Variants in TNR observed in about 807,000 individuals in gnomAD.
TNR encodes tenascin-R.
A neutral mutation model predicts 150.4 loss-of-function variants in TNR; 45 were observed. That is an observed-to-expected ratio of 0.30 (90% CI 0.24 to 0.38). The LOEUF (loss-of-function observed/expected upper bound fraction) is 0.38. Ranked by LOEUF, TNR falls within the 10% of genes least tolerant of loss-of-function variation. The probability of loss-of-function intolerance (pLI) is 1.00; values close to 1 mark genes in which losing one functional copy is unlikely to be tolerated. For missense variants in TNR, 1,544 were observed against 1,759.1 expected, an observed-to-expected ratio of 0.88 and a Z score of 2.19; for synonymous variants, 687 against 678.4, an observed-to-expected ratio of 1.01 and a Z score of -0.20.
intron 9 of TNR, among the ~76,000 whole-genome samples, chr1:175,370,419 G>GGT (rs1207355833): frequency 7.6e-6 from 1 of 131,782 alleles, no homozygotes; most frequent in African/African-American, 2.9e-5. Flanking sequence ...AGTACAGGCC[G>GGT]GTCCTGGGTG....
intron 1 of TNR, among the ~76,000 whole-genome samples, chr1:175,618,675 C>G (rs959861741): frequency 6.6e-6 from 1 of 152,180 alleles, no homozygotes; most frequent in South Asian, 2.1e-4. Flanking sequence ...AGGGCCGTTG[C>G]TTACAGCAGG....
intron 1 of TNR, among the ~76,000 whole-genome samples, chr1:175,638,241 GC>G (rs1284979108): frequency 2.0e-5 from 3 of 152,178 alleles, no homozygotes; most frequent in Non-Finnish European, 4.4e-5. Context: ...TTACAACTCT[GC>G]TCTTGTTCAA....
chr1:175,408,883 A>G (rs1281180979), intron 2 of TNR, among the ~76,000 whole-genome samples: 1 of 152,252 alleles, frequency 6.6e-6, no homozygotes, highest in Non-Finnish European at 1.5e-5. Flanking sequence ...TGTGGACAGC[A>G]GAAAAGCCCA....
At chr1:175,649,071 T>C (rs1664881147) in intron 1 of TNR, among the ~76,000 whole-genome samples, 2 of 152,188 alleles carry the variant, frequency 1.3e-5, no homozygotes, top group African/African-American at 2.4e-5. Context: ...GGAGAGGCCA[T>C]GCCCCTCCCT....
intron 2 of TNR, among the ~76,000 whole-genome samples, chr1:175,503,953 T>C (rs1255145763): frequency 2.0e-5 from 3 of 152,160 alleles, no homozygotes; most frequent in African/African-American, 7.2e-5. Flanking sequence ...GGTTTACATA[T>C]TGACAAAGGG....
intron 1 of TNR, among the ~76,000 whole-genome samples, chr1:175,553,817 A>AACACACACACACAC (rs58714689): frequency 0.013 from 1,894 of 145,452 alleles, 34 homozygotes; most frequent in African/African-American, 0.035. Context: ...TACAAGAACA[A>AACACACACACACAC]ACACACACAC....
intron 1 of TNR, among the ~76,000 whole-genome samples, chr1:175,667,464 T>G (rs1665563298): frequency 2.0e-5 from 3 of 152,216 alleles, no homozygotes. Flanking sequence ...TTCTTAAACA[T>G]TTCTTAAGCA....
intron 7 of TNR, among the ~76,000 whole-genome samples, chr1:175,390,025 C>T (rs1267680702): frequency 1.3e-5 from 2 of 152,020 alleles, no homozygotes; most frequent in African/African-American, 2.4e-5. Context: ...TGGTTGGAGG[C>T]ATGAAAGAGG....
chr1:175,339,422 G>A (rs1433195404), intron 18 of TNR, among the ~76,000 whole-genome samples: 1 of 152,178 alleles, frequency 6.6e-6, no homozygotes, highest in Non-Finnish European at 1.5e-5. Flanking sequence ...CATCTGCAGA[G>A]TGTCCTAGAA....
rs1010872082 is a variant in TNR, at chr1:175,363,602, A to G, written c.2707+106T>C. ...CATTCTGATGCAGCATGCCACAGAG[A>G]AGAGGAAAAACGCAGGCAGGAGTGG... is the stretch of plus-strand genomic sequence containing the variant. On this transcript the variant is annotated intron_variant, in intron 13 of 22. Transcript: ENST00000367674. The G allele has an allele frequency of 1.3e-5, 19 of 1,442,842 alleles. No homozygotes were observed. In the African/African-American group the frequency reaches 2.7e-4, roughly 21 times the overall value. The allele number at this position is 1,442,842 out of a possible 1,614,324, so 89.4% of individuals were successfully genotyped here.
chr1:175,393,703 T>C (rs533967046), intron 6 of TNR, 77 bp downstream of exon 6: 3 of 1,205,064 alleles, frequency 2.5e-6, no homozygotes, highest in Admixed American at 1.7e-5. Flanking sequence ...AGCACTTTCC[T>C]TGCTGCCCCT....
At chr1:175,357,969 G>A (rs1351977742) in intron 15 of TNR, among the ~76,000 whole-genome samples, 1 of 152,238 alleles carries the variant, frequency 6.6e-6, no homozygotes, top group Non-Finnish European at 1.5e-5. Flanking sequence ...GTGAGCAGAT[G>A]TGTCTGACTG....
At chr1:175,393,973 T>C (rs749181754) in intron 5 of TNR, 78 bp from the exon 6 acceptor site, 2 of 1,162,102 alleles carry the variant, frequency 1.7e-6, no homozygotes, top group African/African-American at 1.5e-5. Flanking sequence ...TTTGTCTTGG[T>C]GAACTCCCTC....
intron 1 of TNR, among the ~76,000 whole-genome samples, chr1:175,532,505 A>G (rs1660111608): frequency 6.6e-6 from 1 of 152,232 alleles, no homozygotes; most frequent in Non-Finnish European, 1.5e-5. Flanking sequence ...ACCCACTGGT[A>G]TTGGCAAGGC....
At chr1:175,633,494 A>G (rs987181200) in intron 1 of TNR, among the ~76,000 whole-genome samples, 1 of 152,234 alleles carries the variant, frequency 6.6e-6, no homozygotes, top group African/African-American at 2.4e-5. Flanking sequence ...CACATTTTGG[A>G]CAATCCAGTT....
intron 2 of TNR, among the ~76,000 whole-genome samples, chr1:175,472,748 G>A (rs762793083): frequency 7.9e-5 from 12 of 152,314 alleles, no homozygotes; most frequent in South Asian, 4.1e-4. Flanking sequence ...ATGACATCTC[G>A]GAGGAAGGAG....
At chr1:175,473,050 C>T (rs1657368729) in intron 2 of TNR, among the ~76,000 whole-genome samples, 1 of 152,092 alleles carries the variant, frequency 6.6e-6, no homozygotes, top group Non-Finnish European at 1.5e-5. Context: ...AAGAGGTGGT[C>T]CAGGAAGAAA....
At chr1:175,729,332 T>C (rs1335981510) in intron 1 of TNR, among the ~76,000 whole-genome samples, 1 of 152,136 alleles carries the variant, frequency 6.6e-6, no homozygotes, top group Non-Finnish European at 1.5e-5. Context: ...AGAGAAGGGA[T>C]TTAATAAGCA....
At chr1:175,504,116 T>C (rs1279397260) in intron 2 of TNR, among the ~76,000 whole-genome samples, 5 of 152,114 alleles carry the variant, frequency 3.3e-5, no homozygotes, top group African/African-American at 4.8e-5. Flanking sequence ...TAGAAGGAAC[T>C]GGTCTTTGAA....
Sources: allele counts gnomAD v4.1 joint callset (sites outside exome capture counted in the v4.1 genomes callset), GRCh38; gene constraint gnomAD v4.1.1; transcripts MANE v1.5; gene names NCBI Gene and HGNC (gene_info 2026-07-23, HGNC 2026-07-21).